PCDH11X: variants seen among roughly 807,000 people sequenced by gnomAD.
The protein encoded by PCDH11X is protocadherin-11 X-linked.
A neutral mutation model predicts 53.3 loss-of-function variants in PCDH11X; 18 were observed. The observed-to-expected ratio is 0.34, with a 90% confidence interval of 0.23 to 0.50. PCDH11X has a LOEUF of 0.50. PCDH11X is among the 20% of genes least tolerant of loss of function. The pLI is 0.98. For missense variants in PCDH11X, 570 were observed against 1,032.4 expected, an observed-to-expected ratio of 0.55 and a Z score of 6.14; for synonymous variants, 279 against 393.3, an observed-to-expected ratio of 0.71 and a Z score of 3.44.
chrX:92,392,655 C>T (rs1228420465), intron 9 of PCDH11X, among the ~76,000 whole-genome samples: 3 of 110,522 alleles, frequency 2.7e-5, no homozygotes, highest in African/African-American at 9.8e-5. Context: ...TAAAGGTAGA[C>T]TACTGGTAAA....
intron 6 of PCDH11X, among the ~76,000 whole-genome samples, chrX:92,052,084 T>G (rs2063375645): frequency 9.0e-6 from 1 of 111,201 alleles, no homozygotes; most frequent in Non-Finnish European, 1.9e-5. Flanking sequence ...CCTCAAATCA[T>G]TCTTATCCCC....
At chrX:92,101,773 G>T (rs2064258307) in intron 6 of PCDH11X, among the ~76,000 whole-genome samples, 1 of 110,056 alleles carries the variant, frequency 9.1e-6, no homozygotes, top group African/African-American at 3.3e-5. Flanking sequence ...GTCCTGGGTG[G>T]GGGCAAATCC....
At chrX:92,161,416 T>G (rs1202364938) in intron 6 of PCDH11X, among the ~76,000 whole-genome samples, 1 of 111,340 alleles carries the variant, frequency 9.0e-6, no homozygotes, top group Non-Finnish European at 1.9e-5. Flanking sequence ...CTTTTTTAGG[T>G]TACCTGGTGT....
intron 8 of PCDH11X, among the ~76,000 whole-genome samples, chrX:92,279,434 C>T (rs963688894): frequency 2.7e-5 from 3 of 111,791 alleles, no homozygotes; most frequent in South Asian, 3.7e-4. Context: ...TAATATTTTC[C>T]GTAGTCAGCA....
intron 6 of PCDH11X, among the ~76,000 whole-genome samples, chrX:91,923,191 G>A (rs1284800825): frequency 9.9e-6 from 1 of 100,790 alleles, no homozygotes; most frequent in Non-Finnish European, 2.0e-5. Context: ...ATGTGTGTGG[G>A]TTCAAGTTGA....
At chrX:91,887,001 A>G (rs1311796076) in intron 6 of PCDH11X, among the ~76,000 whole-genome samples, 42 of 105,124 alleles carry the variant, frequency 4.0e-4, no homozygotes, top group Non-Finnish European at 5.4e-4. Context: ...AGAAAAGAAA[A>G]GAAAATATAT....
rs1055689910 is a variant in PCDH11X, at chrX:92,621,447, T to C, written c.*2507T>C. On this transcript the variant is annotated 3_prime_UTR_variant, in exon 11 of 11. Coordinates refer to ENST00000682573, the MANE Select transcript of PCDH11X (RefSeq NM_032968.5). ...CTCTGATTTTATAATCAGACTTAGA[T>C]TGTGTTTAGAATATTAAATGACTGG... 2 of 109,235 alleles carry C rather than the reference T, an allele frequency of 1.8e-5. No individual in the cohort carries two copies. The highest frequency in any genetic ancestry group is 3.8e-5 in the Non-Finnish European group (2 of 52,569). 9.0% of individuals were successfully genotyped at this position (109,235 alleles called of 1,213,427 possible).
At chrX:92,416,991 C>T (rs1022243168) in intron 9 of PCDH11X, among the ~76,000 whole-genome samples, 1 of 110,313 alleles carries the variant, frequency 9.1e-6, no homozygotes, top group African/African-American at 3.3e-5. Flanking sequence ...TACTTCATTG[C>T]ATGTAAATAT....
chrX:92,513,016 A>G (rs1392817488), intron 10 of PCDH11X, among the ~76,000 whole-genome samples: 12 of 110,535 alleles, frequency 1.1e-4, no homozygotes, highest in Non-Finnish European at 1.7e-4. Flanking sequence ...AGGGTCAGCT[A>G]TATTTAATAT....
At chrX:92,148,073 T>C (rs868813874) in intron 6 of PCDH11X, among the ~76,000 whole-genome samples, 114 of 10,273 alleles carry the variant, frequency 0.011, 8 homozygotes, top group African/African-American at 0.048. Context: ...TTTCTTTCTT[T>C]CTTTCTTTCT....
intron 3 of PCDH11X, among the ~76,000 whole-genome samples, chrX:91,810,969 T>C (rs1052375137): frequency 8.9e-6 from 1 of 111,850 alleles, no homozygotes; most frequent in Non-Finnish European, 1.9e-5. Context: ...TATTTAAGCT[T>C]TCATTAGCAG....
At chrX:92,204,324 C>T (rs1172611577) in intron 7 of PCDH11X, among the ~76,000 whole-genome samples, 1 of 112,147 alleles carries the variant, frequency 8.9e-6, no homozygotes, top group African/African-American at 3.2e-5. Context: ...ATTTTATGCT[C>T]TGCTTCCTTT....
intron 9 of PCDH11X, among the ~76,000 whole-genome samples, chrX:92,455,868 T>C (rs1286411490): frequency 9.9e-6 from 1 of 101,025 alleles, no homozygotes; most frequent in Non-Finnish European, 2.0e-5. Flanking sequence ...TTTCAAATTA[T>C]AGGGGAAAAA....
intron 4 of PCDH11X, among the ~76,000 whole-genome samples, chrX:91,834,207 T>C (rs1359206831): frequency 4.5e-5 from 5 of 111,254 alleles, no homozygotes; most frequent in Non-Finnish European, 7.5e-5. Context: ...TTAAAAGATA[T>C]TTAATATATA....
At chrX:92,078,679 AT>A (rs1293606714) in intron 6 of PCDH11X, among the ~76,000 whole-genome samples, 3 of 109,899 alleles carry the variant, frequency 2.7e-5, no homozygotes, top group African/African-American at 6.6e-5. Flanking sequence ...AGCCTTACTC[AT>A]TTTTTTTCTA....
At chrX:92,575,773 G>A (rs1922750860) in intron 10 of PCDH11X, among the ~76,000 whole-genome samples, 1 of 103,916 alleles carries the variant, frequency 9.6e-6, no homozygotes, top group Non-Finnish European at 2.0e-5. Flanking sequence ...CAGTCTTTGG[G>A]GTCTGATCTG....
At chrX:92,238,742 A>G (rs1463491147) in intron 7 of PCDH11X, among the ~76,000 whole-genome samples, 1 of 111,571 alleles carries the variant, frequency 9.0e-6, no homozygotes, top group Non-Finnish European at 1.9e-5. Flanking sequence ...TATAAAATAC[A>G]TGTAAAGTAA....
intron 6 of PCDH11X, among the ~76,000 whole-genome samples, chrX:91,912,713 C>T (rs1225832250): frequency 8.3e-5 from 9 of 108,803 alleles, no homozygotes; most frequent in Non-Finnish European, 1.3e-4. Context: ...GTATAGCTCC[C>T]ACATGGACAG....
chrX:92,526,137 A>AT (rs750749971), intron 10 of PCDH11X, among the ~76,000 whole-genome samples: 3 of 110,800 alleles, frequency 2.7e-5, no homozygotes, highest in South Asian at 3.8e-4. Flanking sequence ...TGACTTTAGC[A>AT]TTTTTTTTCT....
Sources: gnomAD v4.1 joint callset for allele counts (sites outside exome capture counted in the v4.1 genomes callset) on GRCh38, gnomAD v4.1.1 for gene constraint, MANE v1.5 for transcripts, NCBI Gene and HGNC (gene_info 2026-07-23, HGNC 2026-07-21) for gene names.